CNTN5: variants seen among roughly 807,000 people sequenced by gnomAD.
CNTN5 encodes the protein contactin-5.
Under a neutral mutation model 129.1 loss-of-function variants are expected in CNTN5, and 77 were observed. The ratio of observed to expected loss-of-function variants is 0.60; its 90% CI spans 0.50 to 0.72. The LOEUF is 0.72. Among genes scored for constraint, CNTN5 ranks in the 30% least tolerant of loss-of-function variants. The pLI is 0.00. For missense variants in CNTN5, 1,478 were observed against 1,328.8 expected, an observed-to-expected ratio of 1.11 and a Z score of -1.75; for synonymous variants, 509 against 465.6, an observed-to-expected ratio of 1.09 and a Z score of -1.20.
chr11:99,393,783 A>G (rs941001430), intron 2 of CNTN5, among the ~76,000 whole-genome samples: 6 of 151,722 alleles, frequency 4.0e-5, no homozygotes, highest in African/African-American at 1.4e-4. Context: ...GAAATTATAC[A>G]AGCTTTGTAC....
At chr11:99,139,892 A>T (rs1305560726) in intron 1 of CNTN5, among the ~76,000 whole-genome samples, 1 of 152,142 alleles carries the variant, frequency 6.6e-6, no homozygotes, top group Non-Finnish European at 1.5e-5. Flanking sequence ...TGTGAAATTG[A>T]TAATATTTGT....
chr11:99,053,821 A>T (rs1324599693), intron 1 of CNTN5, among the ~76,000 whole-genome samples: 1 of 152,026 alleles, frequency 6.6e-6, no homozygotes, highest in Non-Finnish European at 1.5e-5. Context: ...AAGTTTTGAA[A>T]TTTTTTTATT....
At chr11:99,723,716 G>A (rs1412737960) in intron 3 of CNTN5, among the ~76,000 whole-genome samples, 2 of 152,046 alleles carry the variant, frequency 1.3e-5, no homozygotes, top group African/African-American at 4.8e-5. Flanking sequence ...TGCAGTACCT[G>A]CAGCAATGCC....
At chr11:99,669,678 C>CCA (rs1952955937) in intron 3 of CNTN5, among the ~76,000 whole-genome samples, 3 of 152,090 alleles carry the variant, frequency 2.0e-5, no homozygotes, top group Non-Finnish European at 4.4e-5. Context: ...ACGAATCCTA[C>CCA]CACACTTTTA....
chr11:99,413,941 T>C (rs1472964411), intron 2 of CNTN5, among the ~76,000 whole-genome samples: 1 of 152,206 alleles, frequency 6.6e-6, no homozygotes, highest in African/African-American at 2.4e-5. Flanking sequence ...AACACATCTT[T>C]CACAAATCTA....
chr11:99,110,093 C>G (rs1364521833), intron 1 of CNTN5, among the ~76,000 whole-genome samples: 1 of 152,060 alleles, frequency 6.6e-6, no homozygotes, highest in African/African-American at 2.4e-5. Context: ...AGAAGGGAAC[C>G]TCGCTCGGAG....
chr11:99,705,886 A>G (rs1326129052), intron 3 of CNTN5, among the ~76,000 whole-genome samples: 2 of 151,602 alleles, frequency 1.3e-5, no homozygotes, highest in East Asian at 3.9e-4. Context: ...AGGAATACAG[A>G]CCAGTGTTAT....
At chr11:99,298,964 C>T (rs2135939708) in intron 1 of CNTN5, among the ~76,000 whole-genome samples, 1 of 152,252 alleles carries the variant, frequency 6.6e-6, no homozygotes, top group Middle Eastern at 3.4e-3. Context: ...CTTAAATACC[C>T]TTAATCTGTA....
At chr11:99,151,559 A>G (rs1175224111) in intron 1 of CNTN5, among the ~76,000 whole-genome samples, 3 of 152,126 alleles carry the variant, frequency 2.0e-5, no homozygotes, top group Non-Finnish European at 4.4e-5. Context: ...ACTGGGCAGA[A>G]ATGACTATAA....
intron 16 of CNTN5, among the ~76,000 whole-genome samples, chr11:100,241,667 C>A (rs1038530021): frequency 6.6e-6 from 1 of 152,164 alleles, no homozygotes; most frequent in African/African-American, 2.4e-5. Flanking sequence ...TTATCAGGAT[C>A]AATGTCATTA....
At chr11:100,335,822 T>C (rs1298449640) in intron 21 of CNTN5, among the ~76,000 whole-genome samples, 2 of 152,010 alleles carry the variant, frequency 1.3e-5, no homozygotes, top group Non-Finnish European at 1.5e-5. Flanking sequence ...CTCCTACAGG[T>C]ATTATATGAG....
At position 99,630,629 on chromosome 11, in the gene CNTN5, C is replaced by T. The variant is rs1951311412; in HGVS notation, c.55+74360C>T. Among the ~76,000 whole-genome samples the T allele has an allele frequency of 2.0e-5, 3 of 152,000 alleles. No homozygotes were observed. In the South Asian group the frequency reaches 6.2e-4, roughly 31 times the overall value. On this transcript the variant is annotated intron_variant, in intron 3 of 24. Coordinates refer to ENST00000524871, the MANE Select transcript of CNTN5 (RefSeq NM_014361.4). Reference sequence around the variant, plus strand: ...ATTTCTTAGTCACAATTCAGGTCTGCTTTTAATATTTAACTATTAATTCTA... The same window carrying T: ...ATTTCTTAGTCACAATTCAGGTCTGTTTTTAATATTTAACTATTAATTCTA...
rs1315154482 is a variant in CNTN5, at chr11:99,541,961, AAAAAAAAAAAAAAAAAAAGAAAAG to A, written c.-70-14179_-70-14156del. ...GACAGAGGGAGATCTTGTCTCAAAAAAAAAAAAAAAAAAAAAAAGAAAAGAAAAGAAAGAAATGTGGGGACAAAT... is the reference window on the plus strand; with the variant it reads ...GACAGAGGGAGATCTTGTCTCAAAAAAAAAGAAAGAAATGTGGGGACAAAT... On this transcript the variant is annotated intron_variant, in intron 2 of 24. Transcript: ENST00000524871. Among the ~76,000 whole-genome samples the A allele has an allele frequency of 6.3e-5, 7 of 111,776 alleles. No homozygotes were observed. The East Asian group carries it at 1.9e-3, about 31-fold the overall frequency. The allele number at this position is 111,776 out of a possible 152,430, so 73.3% of individuals were successfully genotyped here.
chr11:100,266,632 T>TTG (rs2138767331), intron 17 of CNTN5, among the ~76,000 whole-genome samples: 3 of 147,208 alleles, frequency 2.0e-5, no homozygotes, highest in South Asian at 4.2e-4. Context: ...TTCCAAATCT[T>TTG]TTTTTTTTTT....
chr11:99,546,672 A>AT (rs1413553669), intron 2 of CNTN5, among the ~76,000 whole-genome samples: 1 of 152,128 alleles, frequency 6.6e-6, no homozygotes, highest in Non-Finnish European at 1.5e-5. Flanking sequence ...ATGATTATTT[A>AT]TTTATGATGG....
chr11:99,049,578 T>C (rs546615951), intron 1 of CNTN5: 1 of 152,266 alleles, frequency 6.6e-6, no homozygotes, highest in South Asian at 2.1e-4. Flanking sequence ...TAATAATTTT[T>C]TTCAAATCCC....
chr11:99,232,962 AG>A (rs1861078093), intron 1 of CNTN5, among the ~76,000 whole-genome samples: 1 of 152,222 alleles, frequency 6.6e-6, no homozygotes, highest in Admixed American at 6.5e-5. Context: ...GAACCTTTAA[AG>A]AAATAGGAAC....
chr11:99,636,848 A>C (rs1277880672), intron 3 of CNTN5, among the ~76,000 whole-genome samples: 4 of 150,594 alleles, frequency 2.7e-5, no homozygotes, highest in African/African-American at 9.8e-5. Context: ...ACCCGTCTCT[A>C]CTAAAAATAC....
At chr11:99,756,984 C>T (rs986544339) in intron 3 of CNTN5, among the ~76,000 whole-genome samples, 6 of 149,600 alleles carry the variant, frequency 4.0e-5, no homozygotes, top group South Asian at 2.1e-4. Flanking sequence ...CTGGCAATAA[C>T]GTCTTTTTAT....
Sources: allele counts gnomAD v4.1 joint callset (sites outside exome capture counted in the v4.1 genomes callset), GRCh38; gene constraint gnomAD v4.1.1; transcripts MANE v1.5; gene names NCBI Gene and HGNC (gene_info 2026-07-23, HGNC 2026-07-21).